The following MOCS1 variants were observed in gnomAD, a reference collection of about 807,000 sequenced individuals.
The protein encoded by MOCS1 is molybdenum cofactor biosynthesis protein 1.
MOCS1 carries 39 observed loss-of-function variants against 57.6 expected under a neutral mutation model. The ratio of observed to expected loss-of-function variants is 0.68; its 90% CI spans 0.52 to 0.88. The LOEUF (loss-of-function observed/expected upper bound fraction) is 0.88. Ranked by LOEUF, MOCS1 falls within the 40% of genes least tolerant of loss-of-function variation. The pLI is 0.00. For missense variants in MOCS1, 795 were observed against 831.1 expected, an observed-to-expected ratio of 0.96 and a Z score of 0.53; for synonymous variants, 334 against 335.7, an observed-to-expected ratio of 1.00 and a Z score of 0.05.
chr6:39,929,097 T>C (rs182941030), intron 1 of MOCS1, among the ~76,000 whole-genome samples: 38 of 152,288 alleles, frequency 2.5e-4, no homozygotes, highest in Middle Eastern at 3.4e-3. Context: ...AGAGTATGTG[T>C]GAAGCTGCTC....
rs760340680 is a variant in MOCS1, at chr6:39,926,497, C to T, written c.251-652G>A. ...ACCATCACTTCCTGTGGTGCAGTTT[C>T]ATTAAGGTTTGGGTCAAGATCTGTT... is the stretch of plus-strand genomic sequence containing the variant. On this transcript the variant is annotated intron_variant, in intron 2 of 10. Transcript: ENST00000340692. 3.5e-4 allele frequency among the ~76,000 whole-genome samples: 53 copies of T among 151,330 alleles called. 1 individual carries two copies. Among genetic ancestry groups the T allele is most frequent in the Admixed American group, 6.6e-5 (1 of 15,210 alleles).
Position 39,912,394 on chromosome 6 carries a change from A to C in MOCS1, c.871-20T>G. 1 of 1,563,132 alleles carries C rather than the reference A, an allele frequency of 6.4e-7. No homozygotes were observed. The highest frequency in any genetic ancestry group is 8.8e-7 in the Non-Finnish European group (1 of 1,133,654). ...AAAGGCCTGGGCAGGGGAGAGTGGGAGCAAAAGGGCAGTGGAGGGGATGGG... is the reference window on the plus strand; with the variant it reads ...AAAGGCCTGGGCAGGGGAGAGTGGGCGCAAAAGGGCAGTGGAGGGGATGGG... On this transcript the variant is annotated intron_variant, in intron 7 of 10. Coordinates refer to ENST00000340692, the MANE Select transcript of MOCS1 (RefSeq NM_001358530.2).
At chr6:39,913,055 G>A (rs1403586865) in intron 6 of MOCS1, 51 bp from the exon 7 acceptor site, 2 of 1,507,198 alleles carry the variant, frequency 1.3e-6, no homozygotes, top group Admixed American at 3.3e-5. Context: ...CACAGTTGAA[G>A]GGGCCCCGGG....
chr6:39,915,234 G>C (rs555090459), intron 4 of MOCS1, among the ~76,000 whole-genome samples: 14 of 152,324 alleles, frequency 9.2e-5, no homozygotes, highest in African/African-American at 3.4e-4. Flanking sequence ...ATAGAGGAAA[G>C]AGACACCATG....
chr6:39,909,127 G>C (rs1248741988), intron 9 of MOCS1, 25 bp from the exon 10 acceptor site: 2 of 1,563,456 alleles, frequency 1.3e-6, no homozygotes, highest in Non-Finnish European at 1.8e-6. Flanking sequence ...AGATGGGGAG[G>C]GAGAGGAAAG....
At chr6:39,918,151 T>C (rs1767767200) in intron 3 of MOCS1, among the ~76,000 whole-genome samples, 2 of 152,206 alleles carry the variant, frequency 1.3e-5, no homozygotes, top group Admixed American at 1.3e-4. Flanking sequence ...TCCCCCTGAA[T>C]TTTAGCTGAC....
At chr6:39,930,286 A>G (rs1381559442) in intron 1 of MOCS1, among the ~76,000 whole-genome samples, 3 of 152,170 alleles carry the variant, frequency 2.0e-5, no homozygotes, top group Non-Finnish European at 4.4e-5. Flanking sequence ...TATAGGACAG[A>G]GTAGACAGCA....
chr6:39,919,880 C>T (rs998772354), intron 3 of MOCS1, among the ~76,000 whole-genome samples: 4 of 152,000 alleles, frequency 2.6e-5, no homozygotes, highest in East Asian at 1.9e-4. Flanking sequence ...TTGTGAAGAA[C>T]GAAGGTAGGT....
At chr6:39,910,638 AAAG>A (rs1473518230) in intron 8 of MOCS1, among the ~76,000 whole-genome samples, 1 of 152,310 alleles carries the variant, frequency 6.6e-6, no homozygotes, top group African/African-American at 2.4e-5. Flanking sequence ...GGCCACAGAG[AAAG>A]AAGAATGTCT....
At chr6:39,916,815 A>G (rs546418316) in intron 3 of MOCS1, among the ~76,000 whole-genome samples, 51 of 152,228 alleles carry the variant, frequency 3.4e-4, no homozygotes, top group Non-Finnish European at 6.8e-4. Flanking sequence ...ACTGAAAGAG[A>G]GAAAGCAGAT....
chr6:39,928,419 C>T (rs1325317987), intron 1 of MOCS1, among the ~76,000 whole-genome samples: 2 of 152,152 alleles, frequency 1.3e-5, no homozygotes, highest in Non-Finnish European at 1.5e-5. Flanking sequence ...CTGCCTTGGC[C>T]CCCCAAAGTG....
Position 39,915,002 on chromosome 6 carries a change from C to T in MOCS1, c.583+1066G>A, listed in dbSNP as rs142339119. On this transcript the variant is annotated intron_variant, in intron 4 of 10. Transcript: ENST00000340692. ...AGAGTATGTGCCATTGATTGAAACC[C>T]TCCAGTTCCTCAAGGCCAGCATGCA... Among the ~76,000 whole-genome samples the T allele has an allele frequency of 1.6e-4, 24 of 152,250 alleles. No homozygotes were observed. In the East Asian group the frequency reaches 4.5e-3, roughly 28 times the overall value.
chr6:39,933,429 G>A (rs1030376505), intron 1 of MOCS1, among the ~76,000 whole-genome samples: 4 of 152,192 alleles, frequency 2.6e-5, no homozygotes, highest in East Asian at 1.9e-4. Context: ...CAAATTTGGC[G>A]GAAGTCATTG....
intron 10 of MOCS1, among the ~76,000 whole-genome samples, chr6:39,908,693 C>G (rs1279095575): frequency 2.6e-5 from 4 of 152,128 alleles, no homozygotes; most frequent in Non-Finnish European, 5.9e-5. Context: ...GGACACCTGT[C>G]ACATTATCCA....
chr6:39,934,255 C>T (rs747046522), intron 1 of MOCS1, 40 bp downstream of exon 1: 168 of 1,510,368 alleles, frequency 1.1e-4, no homozygotes, highest in Non-Finnish European at 1.4e-4. Flanking sequence ...GGGGCCACTC[C>T]TGCCCCGGGA....
At chr6:39,921,427 A>G (rs892072859) in intron 3 of MOCS1, among the ~76,000 whole-genome samples, 2 of 152,084 alleles carry the variant, frequency 1.3e-5, no homozygotes, top group Non-Finnish European at 2.9e-5. Context: ...TTGCCAAAAC[A>G]TTGGTGGTAT....
chr6:39,912,496 G>A, intron 7 of MOCS1, 122 bp from the exon 8 acceptor site: 2 of 759,856 alleles, frequency 2.6e-6, no homozygotes, highest in Non-Finnish European at 4.7e-6. Flanking sequence ...CCCACGTGAA[G>A]CTCCACCCAA....
intron 7 of MOCS1, among the ~76,000 whole-genome samples, chr6:39,912,596 G>A (rs1174864362): frequency 1.3e-5 from 2 of 152,188 alleles, no homozygotes; most frequent in Non-Finnish European, 2.9e-5. Flanking sequence ...TGCTAAGGCA[G>A]GGACCTGTGG....
intron 10 of MOCS1, among the ~76,000 whole-genome samples, chr6:39,907,510 A>C (rs1406368309): frequency 6.6e-6 from 1 of 152,206 alleles, no homozygotes; most frequent in African/African-American, 2.4e-5. Context: ...GTCTCACTCT[A>C]AATTACCAAT....
Sources: gnomAD v4.1 joint callset for allele counts (sites outside exome capture counted in the v4.1 genomes callset) on GRCh38, gnomAD v4.1.1 for gene constraint, MANE v1.5 for transcripts, NCBI Gene and HGNC (gene_info 2026-07-23, HGNC 2026-07-21) for gene names.